The following GTSE1 variants were observed in gnomAD, a reference collection of about 807,000 sequenced individuals.
GTSE1 encodes G2 and S-phase expressed 1.
In GTSE1, 52 loss-of-function variants were observed where a neutral mutation model predicts 60.5. The ratio of observed to expected loss-of-function variants is 0.86; its 90% CI spans 0.69 to 1.08. The LOEUF is 1.08. Ranked by LOEUF, GTSE1 falls within the 50% of genes least tolerant of loss-of-function variation. The pLI is 0.00. For synonymous variants in GTSE1, 368 were observed against 386.5 expected (o/e 0.95, Z 0.56); for missense variants, 937 against 961.8 (o/e 0.97, Z 0.34).
At position 46,313,383 on chromosome 22, in the gene GTSE1, C is replaced by T. The variant is rs892418833; in HGVS notation, c.928-507C>T. ...CCCAAATCTGCATTTCTGCTAGCTC[C>T]CTAATGTGGTCCTCATGCAGGGGTT... On this transcript the variant is annotated intron_variant, in intron 5 of 11. Transcript: ENST00000454366. The surrounding 1 kb of genome is among the most constrained non-coding windows in gnomAD (Gnocchi z 4.4). Among the ~76,000 whole-genome samples the T allele has an allele frequency of 3.9e-5, 6 of 152,164 alleles. No homozygotes were observed. Among genetic ancestry groups the T allele is most frequent in the Non-Finnish European group, 8.8e-5 (6 of 68,032 alleles).
chr22:46,299,558 C>A (rs2077677287), intron 2 of GTSE1, among the ~76,000 whole-genome samples: 1 of 152,348 alleles, frequency 6.6e-6, no homozygotes, highest in African/African-American at 2.4e-5. Context: ...CAGCTAACGT[C>A]TTCTCCACCT....
chr22:46,309,465 C>T lies in GTSE1; in HGVS notation c.762+522C>T, dbSNP rs1017172795. On this transcript the variant is annotated intron_variant, in intron 4 of 11. Transcript: ENST00000454366. This position sits in a 1 kb window ranked among gnomAD's most constrained non-coding sequence, Gnocchi z 6.2. ...CACAGGACTTGCTGCCAGGGCTGCCCGATCTGGCTCTTGCTCGGGAGAGGC... is the reference window on the plus strand; with the variant it reads ...CACAGGACTTGCTGCCAGGGCTGCCTGATCTGGCTCTTGCTCGGGAGAGGC... 2.0e-5 allele frequency among the ~76,000 whole-genome samples: 3 copies of T among 152,072 alleles called. No homozygotes were observed. The highest frequency in any genetic ancestry group is 4.4e-5 in the Non-Finnish European group (3 of 68,004).
chr22:46,308,329 G>T lies in GTSE1; in HGVS notation c.148G>T (p.Asp50Tyr). ...TTTTTAAACAAATAGTGCAAATGAA[G>T]ATGATGAAGTCTTCTTCGGACCCTT... ...LSLSSSSANE[D>Y]DEVFFGPFGH... The change falls in exon 4 of 12, where the codon GAT (aspartate) becomes TAT (tyrosine). Residue 50 changes from aspartate (D) to tyrosine (Y), a missense_variant. Coordinates refer to ENST00000454366, the MANE Select transcript of GTSE1 (RefSeq NM_016426.7). 6.2e-7 allele frequency: 1 copy of T among 1,612,742 alleles called. No homozygotes were observed. Among genetic ancestry groups the T allele is most frequent in the Non-Finnish European group, 8.5e-7 (1 of 1,178,914 alleles).
At chr22:46,303,278 A>G (rs1452792750) in intron 2 of GTSE1, among the ~76,000 whole-genome samples, 1 of 152,046 alleles carries the variant, frequency 6.6e-6, no homozygotes, top group Non-Finnish European at 1.5e-5. Context: ...ATTTCTTGTT[A>G]GGTTTGTTTA....
In GTSE1 at chr22:46,323,183, G is replaced by A. The variant is rs1251203483; in HGVS notation, c.1433-7G>A. ...ACCTGACCGCACACTTCCTTTCTTG[G>A]ACTTAGGTGACTCCCCGGACAGCTC... On this transcript the variant is annotated splice_region_variant and splice_polypyrimidine_tract_variant and intron_variant, in intron 7 of 11. Coordinates refer to ENST00000454366, the MANE Select transcript of GTSE1 (RefSeq NM_016426.7). The A allele has an allele frequency of 6.2e-7, 1 of 1,608,892 alleles. No homozygotes were observed. Among genetic ancestry groups the A allele is most frequent in the Non-Finnish European group, 8.5e-7 (1 of 1,175,334 alleles).
chr22:46,303,275 G>T (rs1290272587), intron 2 of GTSE1, among the ~76,000 whole-genome samples: 1 of 152,128 alleles, frequency 6.6e-6, no homozygotes, highest in African/African-American at 2.4e-5. Context: ...CATATTTCTT[G>T]TTAGGTTTGT....
rs1352229418 is a variant in GTSE1 at position 46,329,024 on chromosome 22, A to G, written c.1926+135A>G. On this transcript the variant is annotated intron_variant, in intron 10 of 11. Transcript: ENST00000454366. The surrounding 1 kb of genome is among the most constrained non-coding windows in gnomAD (Gnocchi z 6.4). ...TCCTGGGGCCAGTGCCTCCGTGCCAAGCAACCCAAAGGGAGGCAGTCAGGA... is the reference window on the plus strand; with the variant it reads ...TCCTGGGGCCAGTGCCTCCGTGCCAGGCAACCCAAAGGGAGGCAGTCAGGA... The G allele has an allele frequency of 2.8e-6, 2 of 707,024 alleles. No homozygotes were observed. The highest frequency in any genetic ancestry group is 4.8e-6 in the Non-Finnish European group (2 of 418,262). 43.8% of individuals were successfully genotyped at this position (707,024 alleles called of 1,614,324 possible).
In GTSE1 at chr22:46,315,983, T is replaced by C. The variant is rs193076534; in HGVS notation, c.1052-49T>C. 284 of 1,390,826 alleles carry C rather than the reference T, an allele frequency of 2.0e-4. 1 individual carries two copies. The highest frequency in any genetic ancestry group is 3.7e-4 in the Middle Eastern group (2 of 5,340). The allele number at this position is 1,390,826 out of a possible 1,614,324, so 86.2% of individuals were successfully genotyped here. Reference sequence around the variant, plus strand: ...GCATAACTTCTGTGTGTTTGTTAAATAGCTTCATACTTTTATAATAATGTG... The same window carrying C: ...GCATAACTTCTGTGTGTTTGTTAAACAGCTTCATACTTTTATAATAATGTG... On this transcript the variant is annotated intron_variant, in intron 6 of 11. Coordinates refer to ENST00000454366, the MANE Select transcript of GTSE1 (RefSeq NM_016426.7).
intron 2 of GTSE1, 66 bp from the exon 3 acceptor site, chr22:46,308,084 A>G: frequency 9.8e-7 from 1 of 1,022,354 alleles, no homozygotes; most frequent in Non-Finnish European, 1.6e-6. Flanking sequence ...CAAGCCATAG[A>G]GCCTGGTAAT....
chr22:46,325,578 C>T (rs1023734225), intron 8 of GTSE1, among the ~76,000 whole-genome samples: 26 of 152,368 alleles, frequency 1.7e-4, no homozygotes, highest in African/African-American at 5.8e-4. Flanking sequence ...TCACTGTAAC[C>T]TCTACCTCCT....
Position 46,304,496 on chromosome 22 carries a change from C to A in GTSE1, c.80-3654C>A, listed in dbSNP as rs1316084215. Among the ~76,000 whole-genome samples, 1 of 152,152 alleles carries A rather than the reference C, an allele frequency of 6.6e-6. No homozygotes were observed. The highest frequency in any genetic ancestry group is 1.5e-5 in the Non-Finnish European group (1 of 68,036). ...ATCAAGAATGTATGTTGTATTTTAT[C>A]ATATGCCCGTTCAACATATGTGCAG... On this transcript the variant is annotated intron_variant, in intron 2 of 11. Transcript: ENST00000454366. The surrounding 1 kb of genome is among the most constrained non-coding windows in gnomAD (Gnocchi z 4.4).
In GTSE1 at chr22:46,326,813, T is replaced by C. The variant is rs530640522; in HGVS notation, c.1724+159T>C. On this transcript the variant is annotated intron_variant, in intron 9 of 11. Coordinates refer to ENST00000454366, the MANE Select transcript of GTSE1 (RefSeq NM_016426.7). The stretch of plus-strand genomic sequence containing the variant: ...TTTTCATTGCAAAGAGAAAATGCAA[T>C]AGACATGAGCATAGAGGAAAATTAA... The C allele has an allele frequency of 8.7e-6, 5 of 572,786 alleles. No individual in the cohort carries two copies. In the Admixed American group the frequency reaches 1.7e-4, roughly 20 times the overall value. The allele number at this position is 572,786 out of a possible 1,614,324, so 35.5% of individuals were successfully genotyped here. A position where few individuals can be genotyped will look rare whatever the true frequency, so the allele number is the denominator to read the frequency against.
At position 46,316,380 on chromosome 22, in the gene GTSE1, C is replaced by A. The variant is rs1158686961; in HGVS notation, c.1400C>A (p.Thr467Lys). Residue 467 changes from threonine to lysine, a missense_variant, in exon 7 of 12, where the codon ACA becomes AAA. By Grantham distance (78) the Thr-to-Lys change is moderately conservative (BLOSUM62 -1). Transcript: ENST00000454366. This position sits in a 1 kb window ranked among gnomAD's most constrained non-coding sequence, Gnocchi z 5.0. ...AAGACAAAGGTTATGCCTACTCCTA[C>A]AAATCAATTTAAAATTCCTAAGTTT... ...NSKTKVMPTPTNQFKIPKFSI... is the reference protein window; with the variant it reads ...NSKTKVMPTPKNQFKIPKFSI... 1.3e-6 allele frequency: 2 copies of A among 1,587,352 alleles called. No individual in the cohort carries two copies. The highest frequency in any genetic ancestry group is 1.3e-5 in the African/African-American group (1 of 74,180).
At position 46,313,208 on chromosome 22, in the gene GTSE1, T is replaced by C. The variant is rs887635702; in HGVS notation, c.928-682T>C. On this transcript the variant is annotated intron_variant, in intron 5 of 11. Coordinates refer to ENST00000454366, the MANE Select transcript of GTSE1 (RefSeq NM_016426.7). This position sits in a 1 kb window ranked among gnomAD's most constrained non-coding sequence, Gnocchi z 4.4. ...AAAAGGAAAAGAAAGAAAATTGCGGTTCCTCACAGGCATGGAGACTACCAG... is the reference window on the plus strand; with the variant it reads ...AAAAGGAAAAGAAAGAAAATTGCGGCTCCTCACAGGCATGGAGACTACCAG... 1.3e-5 allele frequency among the ~76,000 whole-genome samples: 2 copies of C among 150,508 alleles called. No homozygotes were observed. The highest frequency in any genetic ancestry group is 4.9e-5 in the African/African-American group (2 of 41,010).
In GTSE1 at chr22:46,319,607, G is replaced by T. The variant is rs2077800786; in HGVS notation, c.1432+3195G>T. Among the ~76,000 whole-genome samples the T allele has an allele frequency of 6.6e-6, 1 of 152,180 alleles. No individual in the cohort carries two copies. The highest frequency in any genetic ancestry group is 1.9e-4 in the East Asian group (1 of 5,186). On this transcript the variant is annotated intron_variant, in intron 7 of 11. Transcript: ENST00000454366. The surrounding 1 kb of genome is among the most constrained non-coding windows in gnomAD (Gnocchi z 5.0). ...AGGCCACTTAGGCTGCAGCTGAGGG[G>T]TGGAGCAGGCTGAGAGCTCAGAGGA... is the stretch of plus-strand genomic sequence containing the variant.
At position 46,329,432 on chromosome 22, in the gene GTSE1, T is replaced by C; in HGVS notation, c.2001T>C (p.Leu667=). The C allele has an allele frequency of 6.2e-7, 1 of 1,614,174 alleles. No homozygotes were observed. Among genetic ancestry groups the C allele is most frequent in the South Asian group, 1.1e-5 (1 of 91,084 alleles). ...CTGCAAGCCAGCCCCTCATTGACCTTCCTCTCATCGACTTCTGCGATACCC... is the reference window on the plus strand; with the variant it reads ...CTGCAAGCCAGCCCCTCATTGACCTCCCTCTCATCGACTTCTGCGATACCC... ...PDAASQPLID[L]PLIDFCDTPE... The change falls in exon 11 of 12, where the codon CTT becomes CTC. Residue 667 remains leucine, a synonymous_variant. Coordinates refer to ENST00000454366, the MANE Select transcript of GTSE1 (RefSeq NM_016426.7). This position sits in a 1 kb window ranked among gnomAD's most constrained non-coding sequence, Gnocchi z 6.4.
chr22:46,307,314 A>G (rs540785574), intron 2 of GTSE1, among the ~76,000 whole-genome samples: 1 of 152,184 alleles, frequency 6.6e-6, no homozygotes, highest in Non-Finnish European at 1.5e-5. Context: ...GATGTTTTGT[A>G]GCTTGTAAGA....
intron 7 of GTSE1, among the ~76,000 whole-genome samples, chr22:46,322,518 A>G (rs2077819326): frequency 6.6e-6 from 1 of 152,014 alleles, no homozygotes; most frequent in African/African-American, 2.4e-5. Flanking sequence ...GAGCCAGTAT[A>G]GAGGAGGAGG....
rs6007837 is a variant in GTSE1 at position 46,318,432 on chromosome 22, C to G, written c.1432+2020C>G. On this transcript the variant is annotated intron_variant, in intron 7 of 11. Transcript: ENST00000454366. The surrounding 1 kb of genome is among the most constrained non-coding windows in gnomAD (Gnocchi z 4.8). ...CAAGGGACATCATGATAAGACAGAC[C>G]TACTCTCACAGAATTTCTGTTTAAT... 0.025 allele frequency among the ~76,000 whole-genome samples: 3,784 copies of G among 152,248 alleles called. 150 individuals carry two copies. The highest frequency in any genetic ancestry group is 0.086 in the African/African-American group (3,578 of 41,516).
Sources: allele counts gnomAD v4.1 joint callset (sites outside exome capture counted in the v4.1 genomes callset), GRCh38; gene constraint gnomAD v4.1.1; non-coding constraint Gnocchi (gnomAD v3.1); transcripts MANE v1.5; gene names NCBI Gene and HGNC (gene_info 2026-07-23, HGNC 2026-07-21).